Variants in TRAP1 observed in about 807,000 individuals in gnomAD.
TRAP1 encodes heat shock protein 75 kDa, mitochondrial.
TRAP1 carries 102 observed loss-of-function variants against 89.1 expected under a neutral mutation model. The observed-to-expected ratio is 1.15, with a 90% CI of 0.98 to 1.35. The LOEUF (loss-of-function observed/expected upper bound fraction) is 1.35, where lower values mean the gene tolerates loss of function less well. Among genes scored for constraint, TRAP1 ranks in the 40% most tolerant of loss-of-function variants. The pLI is 0.00. For synonymous variants in TRAP1, 508 were observed against 388.0 expected, an observed-to-expected ratio of 1.31 and a Z score of -3.64; for missense variants, 1,256 against 945.3, an observed-to-expected ratio of 1.33 and a Z score of -4.31.
At chr16:3,701,765 G>A (rs1265265284) in intron 1 of TRAP1, among the ~76,000 whole-genome samples, 2 of 152,154 alleles carry the variant, frequency 1.3e-5, no homozygotes, top group African/African-American at 4.8e-5. Flanking sequence ...AGTCATACAA[G>A]TAAGTAGTGG....
intron 14 of TRAP1, chr16:3,663,187 C>G (rs1444809011): frequency 1.3e-5 from 9 of 667,326 alleles, no homozygotes; most frequent in African/African-American, 1.8e-5. Flanking sequence ...TACACAGCCT[C>G]TCAAGAAGCT....
chr16:3,689,205 C>A, intron 2 of TRAP1, 68 bp from the exon 3 acceptor site: 20 of 1,141,546 alleles, frequency 1.8e-5, no homozygotes, highest in South Asian at 2.6e-5. Context: ...TACGCTACGT[C>A]ACATTCCAAA....
At chr16:3,708,146 C>T (rs2151283328) in intron 1 of TRAP1, among the ~76,000 whole-genome samples, 1 of 152,110 alleles carries the variant, frequency 6.6e-6, no homozygotes, top group East Asian at 1.9e-4. Context: ...TGCAGCGAGC[C>T]AGGATCGCAC....
chr16:3,660,937 C>A (rs1350326341), intron 16 of TRAP1: 1 of 141,834 alleles, frequency 7.1e-6, no homozygotes, highest in African/African-American at 2.5e-5. Flanking sequence ...AATTAAAATA[C>A]TACTTAGGCT....
At position 3,671,843 on chromosome 16, in the gene TRAP1, C is replaced by T. The variant is rs375171091; in HGVS notation, c.1166-52G>A. The stretch of plus-strand genomic sequence containing the variant: ...CCGGGGCTGCGGCCCTCCACACCAC[C>T]CAACATTCCCCATTAACCTGCCCTT... On this transcript the variant is annotated intron_variant, in intron 10 of 17. Coordinates refer to ENST00000246957, the MANE Select transcript of TRAP1 (RefSeq NM_016292.3). The T allele has an allele frequency of 1.4e-3, 2,258 of 1,568,040 alleles. 3 individuals are homozygous for T. The highest frequency in any genetic ancestry group is 1.8e-3 in the Non-Finnish European group (2,048 of 1,145,734).
At chr16:3,716,902 C>G (rs567541274) in intron 1 of TRAP1, among the ~76,000 whole-genome samples, 76 of 152,374 alleles carry the variant, frequency 5.0e-4, no homozygotes, top group African/African-American at 1.8e-3. Context: ...GTCCCCAGAA[C>G]CTGCACGGCG....
chr16:3,687,921 A>G (rs1217593438), intron 3 of TRAP1, among the ~76,000 whole-genome samples: 2 of 151,556 alleles, frequency 1.3e-5, no homozygotes, highest in Non-Finnish European at 2.9e-5. Flanking sequence ...AGTCCGCAAG[A>G]GCACATAGGT....
At chr16:3,713,029 T>C (rs935759370) in intron 1 of TRAP1, among the ~76,000 whole-genome samples, 5 of 152,200 alleles carry the variant, frequency 3.3e-5, no homozygotes, top group Non-Finnish European at 7.3e-5. Flanking sequence ...GCCGTCTAAG[T>C]GCCAGCACCA....
At chr16:3,671,899 G>A (rs947245137) in intron 10 of TRAP1, 108 bp from the exon 11 acceptor site, 9 of 1,188,830 alleles carry the variant, frequency 7.6e-6, no homozygotes, top group Admixed American at 3.8e-5. Flanking sequence ...AACCCAGCAC[G>A]TGTGCTAAGA....
chr16:3,693,519 C>A (rs2051244858), intron 1 of TRAP1, among the ~76,000 whole-genome samples: 1 of 152,144 alleles, frequency 6.6e-6, no homozygotes, highest in South Asian at 2.1e-4. Flanking sequence ...CACAGCCAGC[C>A]CTGGGGGCAC....
At chr16:3,698,885 C>CA (rs971954707) in intron 1 of TRAP1, among the ~76,000 whole-genome samples, 61 of 144,804 alleles carry the variant, frequency 4.2e-4, no homozygotes, top group African/African-American at 5.3e-4. Context: ...GGCCCTGTCT[C>CA]AAAAAAAAAA....
chr16:3,688,639 T>A (rs752721689), intron 3 of TRAP1, among the ~76,000 whole-genome samples: 5 of 151,916 alleles, frequency 3.3e-5, no homozygotes, highest in African/African-American at 4.8e-5. Context: ...AGTGCCCCCA[T>A]AGCTGGCTAA....
chr16:3,660,193 C>T (rs1215862268), intron 16 of TRAP1: 2 of 152,200 alleles, frequency 1.3e-5, no homozygotes, highest in Non-Finnish European at 1.5e-5. Flanking sequence ...AGCCCACGGG[C>T]GCAGCTGCCC....
intron 16 of TRAP1, chr16:3,660,416 G>A (rs2043005315): frequency 6.6e-6 from 1 of 152,244 alleles, no homozygotes; most frequent in Non-Finnish European, 1.5e-5. Flanking sequence ...GCTGCAGTGA[G>A]CTCTGATGGC....
chr16:3,703,833 G>C (rs1203183024), intron 1 of TRAP1, among the ~76,000 whole-genome samples: 1 of 151,178 alleles, frequency 6.6e-6, no homozygotes, highest in Admixed American at 6.6e-5. Context: ...GGCTAACACG[G>C]TGAAAGCCAG....
At chr16:3,690,780 C>T (rs778466194) in intron 2 of TRAP1, 47 bp downstream of exon 2, 1 of 1,347,232 alleles carries the variant, frequency 7.4e-7, no homozygotes, top group South Asian at 2.2e-5. Flanking sequence ...TTACGCACAG[C>T]AGTGAACCAA....
intron 9 of TRAP1, 137 bp from the exon 10 acceptor site, chr16:3,672,957 G>A (rs1443157094): frequency 1.5e-6 from 2 of 1,323,366 alleles, no homozygotes; most frequent in Non-Finnish European, 2.0e-6. Flanking sequence ...CTGAGTTGAA[G>A]CCCAGTGCAG....
chr16:3,711,201 C>A (rs911199388), intron 1 of TRAP1, among the ~76,000 whole-genome samples: 7 of 151,954 alleles, frequency 4.6e-5, no homozygotes, highest in African/African-American at 1.7e-4. Context: ...AGCCACATTT[C>A]TTAATTATAT....
intron 5 of TRAP1, 67 bp downstream of exon 5, chr16:3,679,652 A>AC: frequency 3.9e-6 from 6 of 1,545,554 alleles, no homozygotes; most frequent in Non-Finnish European, 5.4e-6. Flanking sequence ...ACCCAGGGCC[A>AC]CCCCTACTGG....
Sources: gnomAD v4.1 joint callset for allele counts (sites outside exome capture counted in the v4.1 genomes callset) on GRCh38, gnomAD v4.1.1 for gene constraint, MANE v1.5 for transcripts, NCBI Gene and HGNC (gene_info 2026-07-23, HGNC 2026-07-21) for gene names.